SLC44A5: variants seen among roughly 807,000 people sequenced by gnomAD.
SLC44A5 encodes solute carrier family 44 member 5, also known as choline transporter-like protein 5.
Under a neutral mutation model 101.8 loss-of-function variants are expected in SLC44A5, and 57 were observed. The ratio of observed to expected loss-of-function variants is 0.56; its 90% CI spans 0.45 to 0.70. The LOEUF (loss-of-function observed/expected upper bound fraction) is 0.70, where lower values mean the gene tolerates loss of function less well. Among genes scored for constraint, SLC44A5 ranks in the 30% least tolerant of loss-of-function variants. SLC44A5 has a pLI of 0.00. For missense variants in SLC44A5, 737 were observed against 853.1 expected, an observed-to-expected ratio of 0.86 and a Z score of 1.70; for synonymous variants, 281 against 290.9, an observed-to-expected ratio of 0.97 and a Z score of 0.35.
At chr1:75,429,110 C>T (rs1056385250) in intron 2 of SLC44A5, among the ~76,000 whole-genome samples, 1 of 152,148 alleles carries the variant, frequency 6.6e-6, no homozygotes, top group Non-Finnish European at 1.5e-5. Flanking sequence ...TGGTGCTTGG[C>T]AACAGTTGAA....
At chr1:75,508,149 A>T (rs569164379) in intron 2 of SLC44A5, among the ~76,000 whole-genome samples, 3 of 152,316 alleles carry the variant, frequency 2.0e-5, no homozygotes, top group Non-Finnish European at 1.5e-5. Flanking sequence ...TTTAAAAAAA[A>T]TCATACCAAT....
the SLC44A5 span, among the ~76,000 whole-genome samples, chr1:75,669,626 CTTG>C: frequency 6.6e-5 from 10 of 152,176 alleles, no homozygotes; most frequent in African/African-American, 2.2e-4. Flanking sequence ...TCCCCTAACT[CTTG>C]TTGTCAGAAT....
chr1:75,219,172 G>T (rs961872987), intron 16 of SLC44A5, 85 bp downstream of exon 16: 3 of 975,458 alleles, frequency 3.1e-6, no homozygotes, highest in East Asian at 2.5e-5. Context: ...TCTCTGCTTC[G>T]GGACAATTCC....
At chr1:75,618,399 C>T in the SLC44A5 span, among the ~76,000 whole-genome samples, 1 of 152,156 alleles carries the variant, frequency 6.6e-6, no homozygotes, top group Non-Finnish European at 1.5e-5. Flanking sequence ...CTACCCAGGC[C>T]CTGGATTTCC....
chr1:75,354,367 G>A (rs186800628), intron 3 of SLC44A5, among the ~76,000 whole-genome samples: 4 of 152,302 alleles, frequency 2.6e-5, no homozygotes, highest in African/African-American at 7.2e-5. Context: ...AAGCTGTGTT[G>A]GGAGAGAAGC....
chr1:75,689,216 G>A, the SLC44A5 span, among the ~76,000 whole-genome samples: 5 of 152,210 alleles, frequency 3.3e-5, no homozygotes, highest in East Asian at 1.9e-4. Context: ...ATTCCAATAC[G>A]GGGATGACAT....
Position 75,238,539 on chromosome 1 carries a change from ACTT to A in SLC44A5, c.627_629del (p.Arg209del). 6.2e-7 allele frequency: 1 copy of A among 1,603,758 alleles called. No individual in the cohort carries two copies. The highest frequency in any genetic ancestry group is 8.5e-7 in the Non-Finnish European group (1 of 1,175,566). ...TTGCAGCAATCCCGAGTTCTACAAC[ACTT>A]CTTGTCCCTCCATTTCCATCTTGAA... On this transcript the variant is annotated inframe_deletion, in exon 10 of 24. Coordinates refer to ENST00000370859, the MANE Select transcript of SLC44A5 (RefSeq NM_001130058.2).
At chr1:75,223,975 A>G (rs571397703) in intron 13 of SLC44A5, among the ~76,000 whole-genome samples, 3 of 152,196 alleles carry the variant, frequency 2.0e-5, no homozygotes, top group African/African-American at 7.2e-5. Flanking sequence ...CCGTTAAAAA[A>G]CCCTCTATAT....
intron 1 of SLC44A5, among the ~76,000 whole-genome samples, chr1:75,572,119 T>C (rs979506727): frequency 6.6e-6 from 1 of 152,208 alleles, no homozygotes; most frequent in Non-Finnish European, 1.5e-5. Context: ...ATCTCCTGTG[T>C]ACCCTTCCTT....
chr1:75,375,978 G>A (rs923760630), intron 3 of SLC44A5, among the ~76,000 whole-genome samples: 18 of 152,132 alleles, frequency 1.2e-4, no homozygotes, highest in Admixed American at 2.0e-4. Flanking sequence ...CAGTGGGTGT[G>A]TGCACCGTGT....
At chr1:75,262,147 AAG>A (rs1169814702) in intron 6 of SLC44A5, among the ~76,000 whole-genome samples, 1 of 152,200 alleles carries the variant, frequency 6.6e-6, no homozygotes, top group Admixed American at 6.5e-5. Context: ...GCAATCAAGA[AAG>A]AGAAATAAAC....
At position 75,326,124 on chromosome 1, in the gene SLC44A5, GTA is replaced by G. The variant is rs1452092846; in HGVS notation, c.101+13456_101+13457del. 1.2e-3 allele frequency among the ~76,000 whole-genome samples: 162 copies of G among 137,266 alleles called. 1 individual carries two copies. The highest frequency in any genetic ancestry group is 2.1e-3 in the Non-Finnish European group (137 of 64,372). The allele number at this position is 137,266 out of a possible 152,430, so 90.1% of individuals were successfully genotyped here. ...TGTGTGTGTGTGTGTGTGTGTGTGT[GTA>G]TAATATTTTATATACATATAAAATA... On this transcript the variant is annotated intron_variant, in intron 4 of 23. Transcript: ENST00000370859.
intron 2 of SLC44A5, among the ~76,000 whole-genome samples, chr1:75,478,735 C>A (rs918544060): frequency 1.3e-5 from 2 of 152,036 alleles, no homozygotes; most frequent in Non-Finnish European, 2.9e-5. Flanking sequence ...AATACAGGAG[C>A]CCCCAGATTC....
chr1:75,480,005 A>G (rs1386084261), intron 2 of SLC44A5, among the ~76,000 whole-genome samples: 1 of 152,240 alleles, frequency 6.6e-6, no homozygotes, highest in African/African-American at 2.4e-5. Context: ...AATCCTCAAT[A>G]AAATACTGGC....
intron 3 of SLC44A5, among the ~76,000 whole-genome samples, chr1:75,365,858 A>T (rs552793689): frequency 6.4e-4 from 97 of 152,252 alleles, no homozygotes; most frequent in African/African-American, 2.0e-3. Flanking sequence ...TTATAGTTAT[A>T]ACAGTCTATT....
At chr1:75,577,292 A>T (rs1032352580) in intron 1 of SLC44A5, among the ~76,000 whole-genome samples, 1 of 152,196 alleles carries the variant, frequency 6.6e-6, no homozygotes, top group Non-Finnish European at 1.5e-5. Context: ...TTCTCAAACC[A>T]TTCATTAACT....
intron 4 of SLC44A5, among the ~76,000 whole-genome samples, chr1:75,302,206 C>T (rs1330347504): frequency 4.8e-5 from 6 of 124,432 alleles, no homozygotes; most frequent in South Asian, 2.7e-4. Flanking sequence ...TGCATTCTTA[C>T]GTATCCTTCT....
chr1:75,617,121 G>T, the SLC44A5 span, among the ~76,000 whole-genome samples: 10 of 152,276 alleles, frequency 6.6e-5, no homozygotes, highest in African/African-American at 2.4e-4. Flanking sequence ...AAAGGGTAGG[G>T]TAGGGAGAGG....
chr1:75,435,570 T>C (rs1300474447), intron 2 of SLC44A5, among the ~76,000 whole-genome samples: 1 of 152,094 alleles, frequency 6.6e-6, no homozygotes, highest in Non-Finnish European at 1.5e-5. Flanking sequence ...CCCACACAAC[T>C]GTGGAAAGAA....
Sources: gnomAD v4.1 joint callset for allele counts (sites outside exome capture counted in the v4.1 genomes callset) on GRCh38, gnomAD v4.1.1 for gene constraint, MANE v1.5 for transcripts, NCBI Gene and HGNC (gene_info 2026-07-23, HGNC 2026-07-21) for gene names.